The following EYA1 variants were observed in gnomAD, a reference collection of about 807,000 sequenced individuals.
EYA1 encodes protein phosphatase EYA1.
In EYA1, 16 loss-of-function variants were observed where a neutral mutation model predicts 82.0. The observed-to-expected ratio is 0.20, with a 90% CI of 0.13 to 0.30. The LOEUF (loss-of-function observed/expected upper bound fraction) is 0.30. EYA1 is among the 10% of genes least tolerant of loss of function. The probability of loss-of-function intolerance (pLI) is 1.00; values close to 1 mark genes in which losing one functional copy is unlikely to be tolerated. For synonymous variants in EYA1, 261 were observed against 264.4 expected (o/e 0.99, Z 0.12); for missense variants, 633 against 730.7 (o/e 0.87, Z 1.54).
intron 2 of EYA1, among the ~76,000 whole-genome samples, chr8:71,456,955 C>T (rs1490099975): frequency 6.6e-6 from 1 of 152,060 alleles, no homozygotes; most frequent in Non-Finnish European, 1.5e-5. Context: ...AAAGAAACTA[C>T]CATCAAAGTG....
At chr8:71,333,719 G>A (rs1250523322) in intron 4 of EYA1, among the ~76,000 whole-genome samples, 1 of 152,176 alleles carries the variant, frequency 6.6e-6, no homozygotes, top group Non-Finnish European at 1.5e-5. Context: ...TGGCGAGTCT[G>A]CTTAGAAGCG....
chr8:71,277,798 T>C (rs902817110), intron 9 of EYA1, among the ~76,000 whole-genome samples: 4 of 152,210 alleles, frequency 2.6e-5, no homozygotes, highest in Non-Finnish European at 5.9e-5. Flanking sequence ...TTCTTCAGTC[T>C]AGTATTTATT....
rs566550002 is a variant in EYA1 at position 71,283,309 on chromosome 8, C to T, written c.827-11412G>A. Among the ~76,000 whole-genome samples, 7 of 152,278 alleles carry T rather than the reference C, an allele frequency of 4.6e-5. No homozygotes were observed. In the South Asian group the frequency reaches 8.3e-4, roughly 18 times the overall value. ...TGAAGGCCTCTGCTCAAGTGTCACC[C>T]GATGGACAACTCTTCCGAAACAGTT... On this transcript the variant is annotated intron_variant, in intron 9 of 17. Coordinates refer to ENST00000340726, the MANE Select transcript of EYA1 (RefSeq NM_000503.6).
chr8:71,275,647 G>C, intron 9 of EYA1, among the ~76,000 whole-genome samples: 1 of 152,032 alleles, frequency 6.6e-6, no homozygotes, highest in East Asian at 1.9e-4. Flanking sequence ...GAAGGAGAGA[G>C]TGATCAATAA....
intron 11 of EYA1, among the ~76,000 whole-genome samples, chr8:71,248,380 C>T (rs1813355881): frequency 6.6e-6 from 1 of 152,218 alleles, no homozygotes; most frequent in Non-Finnish European, 1.5e-5. Context: ...ACAATTAACA[C>T]TGGGATCTAA....
intron 2 of EYA1, among the ~76,000 whole-genome samples, chr8:71,489,176 C>T (rs1283978232): frequency 2.6e-5 from 4 of 152,178 alleles, no homozygotes; most frequent in Non-Finnish European, 4.4e-5. Flanking sequence ...AGGGGAAAAA[C>T]ACACATCGAT....
chr8:71,303,565 A>G (rs767935911), intron 7 of EYA1, among the ~76,000 whole-genome samples: 3 of 141,468 alleles, frequency 2.1e-5, no homozygotes, highest in Non-Finnish European at 4.8e-5. Context: ...CTCAAGCAAT[A>G]TTAATTTTTC....
chr8:71,529,090 A>T lies in EYA1; in HGVS notation c.33+6654T>A, dbSNP rs576002754. Among the ~76,000 whole-genome samples the T allele has an allele frequency of 5.9e-5, 9 of 152,358 alleles. No homozygotes were observed. The South Asian group carries it at 1.9e-3, about 32-fold the overall frequency. On this transcript the variant is annotated intron_variant, in intron 2 of 18. Coordinates refer to the EYA1 transcript ENST00000643681. ...CTGGTAAAAAACAAAATTGAGGCGT[A>T]GAAATTGAAATTAATTTCATGAAGT...
At chr8:71,225,099 T>C in intron 12 of EYA1, 2 of 286,676 alleles carry the variant, frequency 7.0e-6, no homozygotes, top group Admixed American at 4.2e-5. Flanking sequence ...CTTGCGTGTT[T>C]TTCTCTGTAA....
At chr8:71,473,457 C>T (rs1248295823) in intron 2 of EYA1, among the ~76,000 whole-genome samples, 3 of 151,722 alleles carry the variant, frequency 2.0e-5, no homozygotes, top group Non-Finnish European at 4.4e-5. Context: ...AAAAGCTCAT[C>T]ATCACTGGTC....
intron 12 of EYA1, among the ~76,000 whole-genome samples, chr8:71,242,871 G>T (rs1300359741): frequency 6.7e-6 from 1 of 148,984 alleles, no homozygotes; most frequent in Non-Finnish European, 1.5e-5. Context: ...TCTGCCTCCC[G>T]GGCTCAAGTG....
chr8:71,345,884 T>C (rs946301138), intron 3 of EYA1, among the ~76,000 whole-genome samples: 4 of 152,172 alleles, frequency 2.6e-5, no homozygotes, highest in Non-Finnish European at 2.9e-5. Context: ...ACAGCTCCTG[T>C]ACAGTTGAAT....
intron 17 of EYA1, among the ~76,000 whole-genome samples, chr8:71,206,238 A>T (rs1335569243): frequency 3.7e-5 from 5 of 136,398 alleles, no homozygotes; most frequent in African/African-American, 1.4e-4. Flanking sequence ...TTTTTTTTTT[A>T]AACAGGGTCT....
chr8:71,401,561 A>C (rs1829959495), intron 2 of EYA1, among the ~76,000 whole-genome samples: 1 of 152,224 alleles, frequency 6.6e-6, no homozygotes, highest in Non-Finnish European at 1.5e-5. Context: ...TTTGCTATGA[A>C]GCGTTCTTAT....
At chr8:71,387,161 T>C (rs2129106092) in intron 2 of EYA1, among the ~76,000 whole-genome samples, 1 of 152,234 alleles carries the variant, frequency 6.6e-6, no homozygotes, top group Non-Finnish European at 1.5e-5. Context: ...GGAAAAGATT[T>C]TGGGAGCACA....
At chr8:71,308,777 T>A (rs1193860916) in intron 7 of EYA1, among the ~76,000 whole-genome samples, 1 of 149,632 alleles carries the variant, frequency 6.7e-6, no homozygotes, top group East Asian at 2.0e-4. Flanking sequence ...GAACAAGGAC[T>A]CACATTAAAA....
chr8:71,249,381 T>A (rs1237701428), intron 11 of EYA1, among the ~76,000 whole-genome samples: 5 of 151,664 alleles, frequency 3.3e-5, no homozygotes, highest in African/African-American at 1.2e-4. Context: ...AAACCTACAA[T>A]CATGGAGGAA....
At chr8:71,314,146 A>G (rs556734180) in intron 7 of EYA1, among the ~76,000 whole-genome samples, 5 of 152,306 alleles carry the variant, frequency 3.3e-5, no homozygotes, top group African/African-American at 1.2e-4. Flanking sequence ...TTATTCATTA[A>G]GGATTAAAAG....
At chr8:71,419,822 G>A (rs542425272) in intron 2 of EYA1, among the ~76,000 whole-genome samples, 12 of 151,876 alleles carry the variant, frequency 7.9e-5, no homozygotes, top group African/African-American at 2.9e-4. Context: ...AATAATAATA[G>A]AAAAATCCTC....
Sources: allele counts gnomAD v4.1 joint callset (sites outside exome capture counted in the v4.1 genomes callset), GRCh38; gene constraint gnomAD v4.1.1; transcripts MANE v1.5; gene names NCBI Gene and HGNC (gene_info 2026-07-23, HGNC 2026-07-21).